Variants in DTNB observed in about 807,000 individuals in gnomAD.
DTNB encodes the protein dystrobrevin beta, also known as DTN-B.
A neutral mutation model predicts 90.7 loss-of-function variants in DTNB; 63 were observed. The observed-to-expected ratio is 0.69, with a 90% CI of 0.57 to 0.86. The LOEUF is 0.86. DTNB is among the 40% of genes least tolerant of loss of function. DTNB has a pLI of 0.00. For missense variants in DTNB, 744 were observed against 807.1 expected, an observed-to-expected ratio of 0.92 and a Z score of 0.95; for synonymous variants, 277 against 286.7, an observed-to-expected ratio of 0.97 and a Z score of 0.34.
intron 8 of DTNB, among the ~76,000 whole-genome samples, chr2:25,546,840 A>G (rs1308757483): frequency 1.3e-5 from 2 of 150,884 alleles, no homozygotes; most frequent in Non-Finnish European, 3.0e-5. Context: ...TAGATCTTCT[A>G]TTCTTTTTTT....
chr2:25,672,346 A>G (rs1012644972), intron 1 of DTNB, among the ~76,000 whole-genome samples: 10 of 151,686 alleles, frequency 6.6e-5, no homozygotes, highest in Non-Finnish European at 1.0e-4. Context: ...TTGTCCATTC[A>G]TTCATGCAAT....
intron 5 of DTNB, among the ~76,000 whole-genome samples, chr2:25,600,436 T>A (rs2065630231): frequency 6.6e-6 from 1 of 152,224 alleles, no homozygotes; most frequent in Non-Finnish European, 1.5e-5. Context: ...ACGAAGGCCA[T>A]ATGGCAGAAG....
intron 12 of DTNB, among the ~76,000 whole-genome samples, chr2:25,447,894 A>C (rs2058670609): frequency 6.6e-6 from 1 of 151,946 alleles, no homozygotes; most frequent in South Asian, 2.1e-4. Flanking sequence ...CCAACTCTTC[A>C]CTTTGCACGT....
At chr2:25,583,420 G>T (rs539802043) in intron 6 of DTNB, among the ~76,000 whole-genome samples, 1 of 151,798 alleles carries the variant, frequency 6.6e-6, no homozygotes, top group Non-Finnish European at 1.5e-5. Context: ...TCTATAGCTT[G>T]TGTTAAAAAT....
chr2:25,620,677 G>C (rs1393480466), intron 4 of DTNB, among the ~76,000 whole-genome samples: 1 of 152,136 alleles, frequency 6.6e-6, no homozygotes, highest in Non-Finnish European at 1.5e-5. Flanking sequence ...GAGTAAGTAA[G>C]TGATGGATGG....
Position 25,383,859 on chromosome 2 carries a change from T to C in DTNB, c.1856A>G (p.Lys619Arg), listed in dbSNP as rs1489439127. The stretch of plus-strand genomic sequence containing the variant: ...ACCTCTGTCTTTCCCATTCTGCATC[T>C]TCTCTTCTTCTTCCTCTGCACCTTC... ...AEEGAEEEEE[K>R]MQNGKDRG Residue 619 changes from lysine to arginine, a missense_variant, in exon 19 of 21, where the codon AAG (lysine) becomes AGG (arginine). By Grantham distance (26) the Lys-to-Arg change is conservative. Transcript: ENST00000406818. The C allele has an allele frequency of 6.2e-7, 1 of 1,614,084 alleles. No homozygotes were observed. Among genetic ancestry groups the C allele is most frequent in the Non-Finnish European group, 8.5e-7 (1 of 1,179,906 alleles).
At chr2:25,595,348 A>G (rs1215967815) in intron 6 of DTNB, among the ~76,000 whole-genome samples, 1 of 152,200 alleles carries the variant, frequency 6.6e-6, no homozygotes, top group East Asian at 1.9e-4. Context: ...GAATATGTCA[A>G]TATCCTGTTT....
chr2:25,581,181 T>C (rs907796291), intron 6 of DTNB, among the ~76,000 whole-genome samples: 7 of 152,160 alleles, frequency 4.6e-5, no homozygotes, highest in Non-Finnish European at 7.4e-5. Context: ...CAAGTCACCA[T>C]TTCCGCTTTC....
At chr2:25,571,691 G>A (rs190615746) in intron 8 of DTNB, among the ~76,000 whole-genome samples, 2 of 152,256 alleles carry the variant, frequency 1.3e-5, no homozygotes, top group Non-Finnish European at 2.9e-5. Flanking sequence ...AGAGTCCCAT[G>A]CAGGTTGGCA....
At chr2:25,665,983 G>A (rs2084348824) in intron 1 of DTNB, among the ~76,000 whole-genome samples, 1 of 152,078 alleles carries the variant, frequency 6.6e-6, no homozygotes, top group South Asian at 2.1e-4. Flanking sequence ...TAGCACAATG[G>A]CATCCAGTAA....
At chr2:25,604,557 C>T (rs1338225570) in intron 5 of DTNB, among the ~76,000 whole-genome samples, 1 of 152,000 alleles carries the variant, frequency 6.6e-6, no homozygotes. Context: ...CAGGTATGTA[C>T]TGCCATGCCA....
At chr2:25,621,868 G>A (rs1307976043) in intron 4 of DTNB, among the ~76,000 whole-genome samples, 1 of 151,884 alleles carries the variant, frequency 6.6e-6, no homozygotes, top group East Asian at 1.9e-4. Context: ...GGAATCTTTC[G>A]ATTGTTCAAA....
rs115059243 is a variant in DTNB, at chr2:25,580,709, A to T, written c.709+12T>A. 4,224 of 1,610,154 alleles carry T rather than the reference A, an allele frequency of 2.6e-3. 7 individuals carry two copies. Among genetic ancestry groups the T allele is most frequent in the Non-Finnish European group, 3.4e-3 (3,993 of 1,176,574 alleles). ...ATAGCATGCGGAATTGAACAATAAA[A>T]GTTCTGCTTACCATTCTCAACATGG... On this transcript the variant is annotated intron_variant, in intron 7 of 20. Transcript: ENST00000406818.
chr2:25,433,600 A>G (rs1305823404), intron 13 of DTNB, among the ~76,000 whole-genome samples: 1 of 151,994 alleles, frequency 6.6e-6, no homozygotes, highest in African/African-American at 2.4e-5. Flanking sequence ...AGATACAGCA[A>G]AATGTTGCTG....
At chr2:25,513,971 T>C (rs2150718649) in intron 9 of DTNB, among the ~76,000 whole-genome samples, 1 of 151,268 alleles carries the variant, frequency 6.6e-6, no homozygotes, top group African/African-American at 2.4e-5. Flanking sequence ...ATAAAGTCCT[T>C]GTCTCTGGCA....
At chr2:25,529,444 A>G (rs1171599638) in intron 9 of DTNB, among the ~76,000 whole-genome samples, 1 of 152,104 alleles carries the variant, frequency 6.6e-6, no homozygotes, top group Non-Finnish European at 1.5e-5. Context: ...AAACCACTAT[A>G]ATGTTGAGAG....
chr2:25,466,635 G>A (rs1404243015), intron 10 of DTNB, among the ~76,000 whole-genome samples: 2 of 152,198 alleles, frequency 1.3e-5, no homozygotes, highest in Non-Finnish European at 2.9e-5. Context: ...TTTGTGACCA[G>A]GGAGTTGATC....
intron 9 of DTNB, among the ~76,000 whole-genome samples, chr2:25,506,726 A>G (rs1418391190): frequency 6.6e-6 from 1 of 152,228 alleles, no homozygotes; most frequent in African/African-American, 2.4e-5. Context: ...TTAAAAATTA[A>G]ATTTAATGTT....
intron 8 of DTNB, among the ~76,000 whole-genome samples, chr2:25,571,618 CTA>C (rs2059880900): frequency 6.6e-6 from 1 of 152,094 alleles, no homozygotes; most frequent in African/African-American, 2.4e-5. Flanking sequence ...TATGACTTCC[CTA>C]TTCAACCTCC....
Sources: gnomAD v4.1 joint callset for allele counts (sites outside exome capture counted in the v4.1 genomes callset) on GRCh38, gnomAD v4.1.1 for gene constraint, MANE v1.5 for transcripts, NCBI Gene and HGNC (gene_info 2026-07-23, HGNC 2026-07-21) for gene names.